Variants in EYA2 observed in about 807,000 individuals in gnomAD.
EYA2 encodes the protein EYA transcriptional coactivator and phosphatase 2, also known as protein phosphatase EYA2.
In EYA2, 31 loss-of-function variants were observed where a neutral mutation model predicts 69.2. The observed-to-expected ratio is 0.45, with a 90% confidence interval of 0.34 to 0.60. The LOEUF (loss-of-function observed/expected upper bound fraction) is 0.60. Ranked by LOEUF, EYA2 falls within the 20% of genes least tolerant of loss-of-function variation. EYA2 has a pLI of 0.02. For missense variants in EYA2, 622 were observed against 701.2 expected (o/e 0.89, Z 1.28); for synonymous variants, 257 against 279.4 (o/e 0.92, Z 0.80).
In EYA2 at chr20:47,188,072, G is replaced by A. The variant is rs1018696135; in HGVS notation, c.1556G>A (p.Arg519Gln). Reference sequence around the variant, plus strand: ...TTTCAGCACAACATGCCTTTCTGGCGGATATCCTGCCACGCAGACCTGGAG... The same window carrying A: ...TTTCAGCACAACATGCCTTTCTGGCAGATATCCTGCCACGCAGACCTGGAG... ...GAKKHNMPFW[R>Q]ISCHADLEAL... The change falls in exon 16 of 16, where the codon CGG (arginine) becomes CAG (glutamine). Residue 519 changes from arginine to glutamine, a missense_variant. Arg to Gln is a conservative substitution (Grantham distance 43, BLOSUM62 1). This residue lies in a region of EYA2 where 257 missense variants were observed against 351.5 expected (regional missense o/e 0.73). Coordinates refer to ENST00000327619, the MANE Select transcript of EYA2 (RefSeq NM_005244.5). 5.7e-6 allele frequency: 9 copies of A among 1,579,016 alleles called. No individual in the cohort carries two copies. The highest frequency in any genetic ancestry group is 2.3e-5 in the East Asian group (1 of 43,258).
intron 1 of EYA2, among the ~76,000 whole-genome samples, chr20:46,935,228 G>A (rs1985856026): frequency 6.6e-6 from 1 of 152,222 alleles, no homozygotes. Flanking sequence ...CTCCACCAGG[G>A]CAGCCTGCTG....
At chr20:46,910,275 C>G (rs78642563) in intron 1 of EYA2, among the ~76,000 whole-genome samples, 8,932 of 152,060 alleles carry the variant, frequency 0.059, 595 homozygotes, top group African/African-American at 0.16. Context: ...CATGGTGGAG[C>G]AAGAGGAAGA....
intron 10 of EYA2, among the ~76,000 whole-genome samples, chr20:47,163,815 G>T (rs1456002914): frequency 6.6e-6 from 1 of 151,832 alleles, no homozygotes; most frequent in East Asian, 1.9e-4. Context: ...GGAACTTTAG[G>T]TGTTTTCCAG....
At chr20:47,067,103 TAAAC>T (rs1375530171) in intron 5 of EYA2, among the ~76,000 whole-genome samples, 1 of 152,118 alleles carries the variant, frequency 6.6e-6, no homozygotes, top group Non-Finnish European at 1.5e-5. Flanking sequence ...AAAATGAAAA[TAAAC>T]AAGAGACTAT....
chr20:47,176,899 C>A (rs1040424679), intron 12 of EYA2, among the ~76,000 whole-genome samples: 3 of 151,794 alleles, frequency 2.0e-5, no homozygotes, highest in African/African-American at 7.3e-5. Context: ...TCAAGCAATT[C>A]TCCTGCCTCA....
intron 5 of EYA2, among the ~76,000 whole-genome samples, chr20:47,062,938 G>A: frequency 6.6e-6 from 1 of 152,290 alleles, no homozygotes; most frequent in Non-Finnish European, 1.5e-5. Context: ...TGTGGCAGAA[G>A]GCGGGGGTTC....
At position 47,052,575 on chromosome 20, in the gene EYA2, C is replaced by T. The variant is rs79744367; in HGVS notation, c.416-19610C>T. On this transcript the variant is annotated intron_variant, in intron 5 of 15. Coordinates refer to ENST00000327619, the MANE Select transcript of EYA2 (RefSeq NM_005244.5). ...AGATTTGCAGTGCCCTTTTGTAAAC[C>T]GCTACAAGGCAAAATAGGTCGTTTT... 8.7e-3 allele frequency among the ~76,000 whole-genome samples: 1,318 copies of T among 152,296 alleles called. 11 individuals carry two copies. The highest frequency in any genetic ancestry group is 0.029 in the African/African-American group (1,226 of 41,564).
chr20:47,035,279 C>T (rs576887733), intron 5 of EYA2, among the ~76,000 whole-genome samples: 5 of 152,258 alleles, frequency 3.3e-5, no homozygotes, highest in Non-Finnish European at 4.4e-5. Context: ...GAGACGGTGG[C>T]GGCAAAGATG....
chr20:47,148,053 T>C (rs2154034), intron 10 of EYA2, among the ~76,000 whole-genome samples: 18,509 of 135,200 alleles, frequency 0.14, 1,429 homozygotes, highest in Middle Eastern at 0.18. Flanking sequence ...AGCAAGACTC[T>C]GTCTCAAAAA....
chr20:47,162,896 A>G (rs541353857), intron 10 of EYA2, among the ~76,000 whole-genome samples: 1 of 152,134 alleles, frequency 6.6e-6, no homozygotes, highest in South Asian at 2.1e-4. Flanking sequence ...GACTCCCCAT[A>G]TGAAACTGCT....
intron 1 of EYA2, among the ~76,000 whole-genome samples, chr20:46,917,488 A>T (rs899818797): frequency 6.6e-6 from 1 of 152,252 alleles, no homozygotes; most frequent in African/African-American, 2.4e-5. Context: ...CAGGTCAGAC[A>T]GACTATGACC....
At chr20:46,929,099 C>A (rs139381480) in intron 1 of EYA2, among the ~76,000 whole-genome samples, 1 of 133,378 alleles carries the variant, frequency 7.5e-6, no homozygotes, top group African/African-American at 2.8e-5. Flanking sequence ...GCTCAGGGAA[C>A]GGTGGGGTGG....
At chr20:47,184,187 G>A (rs539348370) in intron 15 of EYA2, among the ~76,000 whole-genome samples, 3 of 152,180 alleles carry the variant, frequency 2.0e-5, no homozygotes, top group Admixed American at 1.3e-4. Context: ...ATTATCCGCC[G>A]CCATGAGCCC....
intron 15 of EYA2, among the ~76,000 whole-genome samples, chr20:47,185,161 T>C (rs6122561): frequency 0.56 from 85,469 of 151,644 alleles, 25,933 homozygotes; most frequent in African/African-American, 0.81. Flanking sequence ...CTCCACCTCT[T>C]CACGAGTGAT....
Position 46,946,077 on chromosome 20 carries a change from TG to T in EYA2, c.-10-43919del, listed in dbSNP as rs1978436205. The stretch of plus-strand genomic sequence containing the variant: ...CTCAGGATCTGGGTCCCTTTCCCAG[TG>T]GGGGTTAGAGTCTCAGTGGCCTTGG... On this transcript the variant is annotated intron_variant, in intron 1 of 15. Transcript: ENST00000327619. Among the ~76,000 whole-genome samples, 4 of 152,182 alleles carry T rather than the reference TG, an allele frequency of 2.6e-5. No homozygotes were observed. The South Asian group carries it at 8.3e-4, about 32-fold the overall frequency.
chr20:47,117,524 G>GT (rs1286975126), intron 9 of EYA2: 2 of 985,210 alleles, frequency 2.0e-6, no homozygotes, highest in Non-Finnish European at 2.4e-6. Flanking sequence ...GTGTTATTAC[G>GT]TGATTCCGGC....
intron 5 of EYA2, among the ~76,000 whole-genome samples, chr20:47,064,452 A>G (rs2031030900): frequency 1.3e-5 from 2 of 152,350 alleles, no homozygotes; most frequent in East Asian, 1.9e-4. Flanking sequence ...ACTTTTGCAT[A>G]CAAGTTTTTG....
chr20:46,961,884 A>G (rs145609197), intron 1 of EYA2, among the ~76,000 whole-genome samples: 1 of 152,368 alleles, frequency 6.6e-6, no homozygotes, highest in East Asian at 1.9e-4. Context: ...GCAGGGGTGA[A>G]CCAGAGGCTG....
intron 5 of EYA2, among the ~76,000 whole-genome samples, chr20:47,026,542 TGAAAA>T (rs1408472362): frequency 6.6e-6 from 1 of 151,228 alleles, no homozygotes; most frequent in African/African-American, 2.4e-5. Context: ...AATGACAAAC[TGAAAA>T]GAAATATTTA....
Sources: gnomAD v4.1 joint callset for allele counts (sites outside exome capture counted in the v4.1 genomes callset) on GRCh38, gnomAD v4.1.1 for gene constraint, gnomAD v4.1.1 regional missense constraint, MANE v1.5 for transcripts, NCBI Gene and HGNC (gene_info 2026-07-23, HGNC 2026-07-21) for gene names.